The following NRXN3 variants were observed in gnomAD, a reference collection of about 807,000 sequenced individuals.
The protein encoded by NRXN3 is neurexin 3.
NRXN3 carries 32 observed loss-of-function variants against 137.6 expected under a neutral mutation model. The observed-to-expected ratio is 0.23, with a 90% CI of 0.18 to 0.31. NRXN3 has a LOEUF of 0.31. Among genes scored for constraint, NRXN3 ranks in the 10% least tolerant of loss-of-function variants. The pLI, the probability that NRXN3 is intolerant of heterozygous loss-of-function variation, is 1.00. For synonymous variants in NRXN3, 798 were observed against 784.5 expected, an observed-to-expected ratio of 1.02 and a Z score of -0.29; for missense variants, 1,574 against 2,062.5, an observed-to-expected ratio of 0.76 and a Z score of 4.59.
At position 78,780,365 on chromosome 14, in the gene NRXN3, A is replaced by T. The variant is rs530033958; in HGVS notation, c.2045-23255A>T. Among the ~76,000 whole-genome samples, 6 of 152,312 alleles carry T rather than the reference A, an allele frequency of 3.9e-5. No homozygotes were observed. The East Asian group carries it at 1.2e-3, about 29-fold the overall frequency. The stretch of plus-strand genomic sequence containing the variant: ...AACTTTAAAATTTTTATAAGAAAAT[A>T]ATGGTGATTAGCTTTACGACCTATG... On this transcript the variant is annotated intron_variant, in intron 8 of 20. Transcript: ENST00000335750.
Position 78,325,164 on chromosome 14 carries a change from T to A in NRXN3, c.757+27304T>A, listed in dbSNP as rs988955468. 2.5e-4 allele frequency among the ~76,000 whole-genome samples: 38 copies of A among 151,902 alleles called. 1 individual carries two copies. Among genetic ancestry groups the A allele is most frequent in the African/African-American group, 9.2e-4 (38 of 41,240 alleles). On this transcript the variant is annotated intron_variant, in intron 4 of 20. Coordinates refer to ENST00000335750, the MANE Select transcript of NRXN3 (RefSeq NM_001330195.2). ...ATAAAAATTAGCATCAGGACAGGAATGAGACAAAGGTCCAAGGCCGTCCAA... is the reference window on the plus strand; with the variant it reads ...ATAAAAATTAGCATCAGGACAGGAAAGAGACAAAGGTCCAAGGCCGTCCAA...
chr14:78,351,692 A>G (rs1276931066), intron 4 of NRXN3, among the ~76,000 whole-genome samples: 1 of 149,662 alleles, frequency 6.7e-6, no homozygotes, highest in Non-Finnish European at 1.5e-5. Context: ...GGAATTCTTT[A>G]TTATTCTGGA....
chr14:79,835,173 T>C (rs1375088649), intron 20 of NRXN3, among the ~76,000 whole-genome samples: 1 of 152,152 alleles, frequency 6.6e-6, no homozygotes, highest in African/African-American at 2.4e-5. Flanking sequence ...AGGGAGTAGA[T>C]TTTAAGTGTT....
At position 78,709,458 on chromosome 14, in the gene NRXN3, A is replaced by T; in HGVS notation, c.1463A>T (p.His488Leu). Reference protein sequence around the residue: ...TEPNGLILFTHGKPQERKDAR... With the variant: ...TEPNGLILFTLGKPQERKDAR... ...CCCAATGGCCTGATCCTCTTCACTC[A>T]TGGAAAGCCCCAAGAGAGGAAGGAT... is the stretch of plus-strand genomic sequence containing the variant. The change falls in exon 7 of 21, where the codon CAT (histidine) becomes CTT (leucine). Residue 488 changes from histidine (H) to leucine (L), a missense_variant. Around this residue, in one of 5 missense-constraint regions of NRXN3, gnomAD observed 718 missense variants for 887.6 expected, o/e 0.81. Transcript: ENST00000335750. 6.2e-7 allele frequency: 1 copy of T among 1,614,124 alleles called. No individual in the cohort carries two copies. The highest frequency in any genetic ancestry group is 8.5e-7 in the Non-Finnish European group (1 of 1,180,016).
intron 15 of NRXN3, among the ~76,000 whole-genome samples, chr14:79,142,948 G>T (rs2058949475): frequency 6.6e-6 from 1 of 152,136 alleles, no homozygotes; most frequent in Non-Finnish European, 1.5e-5. Flanking sequence ...ATAACTAAGG[G>T]AAATATATTA....
At chr14:79,347,161 A>C (rs2092927789) in intron 15 of NRXN3, among the ~76,000 whole-genome samples, 1 of 152,174 alleles carries the variant, frequency 6.6e-6, no homozygotes, top group African/African-American at 2.4e-5. Flanking sequence ...ATACAGAATA[A>C]ATTTCTTTGA....
At chr14:78,213,623 G>A (rs1447720997) in intron 1 of NRXN3, among the ~76,000 whole-genome samples, 2 of 152,210 alleles carry the variant, frequency 1.3e-5, no homozygotes, top group African/African-American at 4.8e-5. Context: ...GTTGTTGGCT[G>A]GAAGCAGCTT....
chr14:79,012,027 T>G (rs2099572161), intron 15 of NRXN3, among the ~76,000 whole-genome samples: 1 of 152,212 alleles, frequency 6.6e-6, no homozygotes, highest in African/African-American at 2.4e-5. Flanking sequence ...GTGAAGACAT[T>G]CCTGTCATCA....
At chr14:79,629,757 G>A (rs980226243) in intron 16 of NRXN3, among the ~76,000 whole-genome samples, 2 of 152,078 alleles carry the variant, frequency 1.3e-5, no homozygotes, top group Admixed American at 6.6e-5. Flanking sequence ...TGTTACAGCT[G>A]AGCCTTTTCA....
intron 10 of NRXN3, among the ~76,000 whole-genome samples, chr14:78,922,991 G>A (rs1234259217): frequency 6.6e-6 from 1 of 152,190 alleles, no homozygotes; most frequent in African/African-American, 2.4e-5. Flanking sequence ...GGGGAAAGGT[G>A]TCTCAGTCTT....
intron 3 of NRXN3, chr14:78,282,404 G>A: frequency 6.4e-6 from 2 of 313,714 alleles, no homozygotes; most frequent in South Asian, 5.2e-5. Flanking sequence ...CCTGCCTGGA[G>A]GGGCTGTTTA....
chr14:78,970,830 C>CTTGA (rs1234767346), intron 14 of NRXN3, among the ~76,000 whole-genome samples: 1 of 152,164 alleles, frequency 6.6e-6, no homozygotes, highest in African/African-American at 2.4e-5. Context: ...GATATTGTGG[C>CTTGA]TTGATGGCTC....
chr14:79,472,438 ACATTT>A (rs2096522066), intron 16 of NRXN3, among the ~76,000 whole-genome samples: 1 of 152,162 alleles, frequency 6.6e-6, no homozygotes, highest in African/African-American at 2.4e-5. Context: ...AAATTAACTA[ACATTT>A]CTTTGTTTTT....
At position 78,947,062 on chromosome 14, in the gene NRXN3, G is replaced by T. The variant is rs543685583; in HGVS notation, c.2276-10180G>T. On this transcript the variant is annotated intron_variant, in intron 10 of 20. Transcript: ENST00000335750. ...AGGAAGGACAAATCTCATCATCTTA[G>T]TTAACAAGAACCAGAATAGAGTGAT... is the stretch of plus-strand genomic sequence containing the variant. 5.9e-5 allele frequency among the ~76,000 whole-genome samples: 9 copies of T among 152,254 alleles called. No homozygotes were observed. The East Asian group carries it at 1.7e-3, about 29-fold the overall frequency.
At chr14:78,170,756 G>A (rs1340557704) in intron 1 of NRXN3, 82 bp downstream of exon 1, 1 of 152,176 alleles carries the variant, frequency 6.6e-6, no homozygotes, top group African/African-American at 2.4e-5. Flanking sequence ...GGTTGCTCCT[G>A]AGAGGGTAGA....
At chr14:78,981,985 A>C (rs1442898868) in intron 14 of NRXN3, among the ~76,000 whole-genome samples, 1 of 152,204 alleles carries the variant, frequency 6.6e-6, no homozygotes, top group Admixed American at 6.5e-5. Context: ...ACTCTCATTC[A>C]TTCAATAGTT....
intron 15 of NRXN3, among the ~76,000 whole-genome samples, chr14:79,000,914 T>C (rs2099540128): frequency 6.6e-6 from 1 of 152,180 alleles, no homozygotes; most frequent in Admixed American, 6.5e-5. Flanking sequence ...ATTCTCAACA[T>C]CTAACATATT....
chr14:79,462,861 A>ATATGTATATGTATATGTACATACACAT (rs1600667779), intron 15 of NRXN3, among the ~76,000 whole-genome samples: 1 of 140,778 alleles, frequency 7.1e-6, no homozygotes, highest in African/African-American at 2.9e-5. Context: ...ATACACAATG[A>ATATGTATATGTATATGTACATACACAT]ATGTATATGT....
intron 15 of NRXN3, among the ~76,000 whole-genome samples, chr14:79,130,407 G>A (rs1442675493): frequency 1.3e-5 from 2 of 152,004 alleles, no homozygotes; most frequent in South Asian, 4.2e-4. Context: ...TTGCTTGTCT[G>A]TAACGTATTT....
Sources: gnomAD v4.1 joint callset for allele counts (sites outside exome capture counted in the v4.1 genomes callset) on GRCh38, gnomAD v4.1.1 for gene constraint, gnomAD v4.1.1 regional missense constraint, MANE v1.5 for transcripts, NCBI Gene and HGNC (gene_info 2026-07-23, HGNC 2026-07-21) for gene names.